Variants in PALLD observed in about 807,000 individuals in gnomAD.
The protein encoded by PALLD is palladin.
A neutral mutation model predicts 123.5 loss-of-function variants in PALLD; 61 were observed. The ratio of observed to expected loss-of-function variants is 0.49; its 90% CI spans 0.40 to 0.61. PALLD has a LOEUF of 0.61. Ranked by LOEUF, PALLD falls within the 20% of genes least tolerant of loss-of-function variation. The probability of loss-of-function intolerance (pLI) is 0.00; values close to 1 mark genes in which losing one functional copy is unlikely to be tolerated. For synonymous variants in PALLD, 465 were observed against 496.4 expected, an observed-to-expected ratio of 0.94 and a Z score of 0.84; for missense variants, 1,273 against 1,377.0, an observed-to-expected ratio of 0.92 and a Z score of 1.20.
chr4:168,853,923 G>A (rs551673970), intron 10 of PALLD, among the ~76,000 whole-genome samples: 1 of 152,150 alleles, frequency 6.6e-6, no homozygotes, highest in Non-Finnish European at 1.5e-5. Flanking sequence ...TGACTTCTGC[G>A]GTTCTGACTT....
In PALLD at chr4:168,600,030, CATACATACATGTGTATACACACATAT is replaced by C. The variant is rs1376062172; in HGVS notation, c.909-68136_909-68111del. Among the ~76,000 whole-genome samples the C allele has an allele frequency of 1.7e-3, 244 of 144,922 alleles. 1 individual carries two copies. Among genetic ancestry groups the C allele is most frequent in the Middle Eastern group, 0.014 (4 of 286 alleles). On this transcript the variant is annotated intron_variant, in intron 2 of 21. Coordinates refer to ENST00000505667, the MANE Select transcript of PALLD (RefSeq NM_001166108.2). Reference sequence around the variant, plus strand: ...ATATACATACATGTGTGTACACACACATACATACATGTGTATACACACATATATACATACATGTGTATACACACACA... The same window carrying C: ...ATATACATACATGTGTGTACACACACATACATACATGTGTATACACACACA...
chr4:168,644,401 C>A (rs894581128), intron 2 of PALLD, among the ~76,000 whole-genome samples: 2 of 152,082 alleles, frequency 1.3e-5, no homozygotes, highest in African/African-American at 4.8e-5. Flanking sequence ...ATGTTGATAT[C>A]TTTCAAACAT....
intron 2 of PALLD, among the ~76,000 whole-genome samples, chr4:168,524,027 G>A (rs1437778164): frequency 6.6e-6 from 1 of 152,146 alleles, no homozygotes; most frequent in South Asian, 2.1e-4. Flanking sequence ...GGCACTACCT[G>A]TATAAATTCA....
intron 10 of PALLD, among the ~76,000 whole-genome samples, chr4:168,870,266 T>C (rs890729248): frequency 2.6e-5 from 4 of 152,336 alleles, no homozygotes; most frequent in African/African-American, 7.2e-5. Context: ...CCATAGAAAC[T>C]ATTTTGAGAC....
intron 10 of PALLD, among the ~76,000 whole-genome samples, chr4:168,780,752 A>T (rs1388353160): frequency 6.6e-6 from 1 of 152,174 alleles, no homozygotes; most frequent in Non-Finnish European, 1.5e-5. Flanking sequence ...CAGTGGCACA[A>T]TCTCGGCTCA....
intron 2 of PALLD, among the ~76,000 whole-genome samples, chr4:168,644,029 A>G (rs186022890): frequency 1.8e-4 from 27 of 151,798 alleles, no homozygotes; most frequent in African/African-American, 6.3e-4. Context: ...AAAGAGAAAA[A>G]TGGTTTGGTA....
intron 10 of PALLD, among the ~76,000 whole-genome samples, chr4:168,766,274 C>A (rs1733650222): frequency 6.6e-6 from 1 of 152,228 alleles, no homozygotes. Context: ...TCCTAGACTT[C>A]TGGGCAGCTC....
intron 2 of PALLD, among the ~76,000 whole-genome samples, chr4:168,563,591 A>AT (rs1433097027): frequency 6.6e-6 from 1 of 152,136 alleles, no homozygotes; most frequent in Non-Finnish European, 1.5e-5. Context: ...ATGAATGTAG[A>AT]TTTTCAAGTG....
intron 10 of PALLD, among the ~76,000 whole-genome samples, chr4:168,849,755 A>G (rs1329828275): frequency 3.1e-4 from 1 of 3,226 alleles, no homozygotes; most frequent in African/African-American, 5.3e-4. Context: ...TTTTTAAAGC[A>G]AAAAAAAAAA....
chr4:168,701,266 C>T (rs1400556360), intron 8 of PALLD, among the ~76,000 whole-genome samples: 3 of 152,262 alleles, frequency 2.0e-5, no homozygotes, highest in Admixed American at 1.3e-4. Flanking sequence ...GGAGCTGCCC[C>T]AGAGCCCATG....
At position 168,891,152 on chromosome 4, in the gene PALLD, A is replaced by ACAT. The variant is rs79602427; in HGVS notation, c.2100+102_2100+104dup. On this transcript the variant is annotated intron_variant, in intron 11 of 21. Transcript: ENST00000505667. ...CTTAGGTTCTTGATATTTGTCCACA[A>ACAT]CATCATCATTATTATTATTATTATT... The ACAT allele has an allele frequency of 5.6e-5, 65 of 1,158,898 alleles. 1 individual carries two copies. Among genetic ancestry groups the ACAT allele is most frequent in the Admixed American group, 2.0e-4 (11 of 55,874 alleles). The allele number at this position is 1,158,898 out of a possible 1,614,324, so 71.8% of individuals were successfully genotyped here.
chr4:168,589,988 C>T (rs115932793), intron 2 of PALLD, among the ~76,000 whole-genome samples: 3,007 of 152,292 alleles, frequency 0.02, 40 homozygotes, highest in Admixed American at 0.033. Context: ...GAAGAATTTA[C>T]TGAAGCCTCC....
At chr4:168,810,728 A>T (rs1380219509) in intron 10 of PALLD, among the ~76,000 whole-genome samples, 1 of 151,848 alleles carries the variant, frequency 6.6e-6, no homozygotes, top group Non-Finnish European at 1.5e-5. Context: ...GAATGGCGTG[A>T]ACCCGGGAAG....
At chr4:168,923,279 C>T (rs1761940930) in intron 18 of PALLD, among the ~76,000 whole-genome samples, 3 of 152,194 alleles carry the variant, frequency 2.0e-5, no homozygotes, top group South Asian at 4.1e-4. Flanking sequence ...CTAACTAACT[C>T]GTGGTGTTGG....
At chr4:168,574,039 G>A (rs1037877037) in intron 2 of PALLD, among the ~76,000 whole-genome samples, 8 of 151,576 alleles carry the variant, frequency 5.3e-5, no homozygotes, top group Admixed American at 2.0e-4. Flanking sequence ...TGGTATTGTC[G>A]TGGTGCTTAA....
intron 10 of PALLD, among the ~76,000 whole-genome samples, chr4:168,787,764 T>C (rs1394765661): frequency 6.6e-6 from 1 of 152,248 alleles, no homozygotes; most frequent in Non-Finnish European, 1.5e-5. Context: ...CTACTTTCTT[T>C]TATTCCTCCT....
At chr4:168,789,806 CACT>C (rs1737254800) in intron 10 of PALLD, among the ~76,000 whole-genome samples, 1 of 151,992 alleles carries the variant, frequency 6.6e-6, no homozygotes, top group Admixed American at 6.5e-5. Flanking sequence ...TAATTTAACT[CACT>C]AGCAGAGTGT....
At chr4:168,828,714 A>G (rs1423111797) in intron 10 of PALLD, among the ~76,000 whole-genome samples, 1 of 152,254 alleles carries the variant, frequency 6.6e-6, no homozygotes, top group Non-Finnish European at 1.5e-5. Flanking sequence ...TACTTGGCGA[A>G]TTGAGCCCAA....
At chr4:168,736,477 G>A (rs1261499860) in intron 10 of PALLD, among the ~76,000 whole-genome samples, 2 of 152,202 alleles carry the variant, frequency 1.3e-5, no homozygotes, top group Non-Finnish European at 2.9e-5. Context: ...ATTTTGTGAG[G>A]CTCTGCTTAT....
Sources: gnomAD v4.1 joint callset for allele counts (sites outside exome capture counted in the v4.1 genomes callset) on GRCh38, gnomAD v4.1.1 for gene constraint, MANE v1.5 for transcripts, NCBI Gene and HGNC (gene_info 2026-07-23, HGNC 2026-07-21) for gene names.